The following DNAH6 variants were observed in gnomAD, a reference collection of about 807,000 sequenced individuals.
DNAH6 encodes the protein dynein axonemal heavy chain 6.
In DNAH6, 340 loss-of-function variants were observed where a neutral mutation model predicts 491.4. The ratio of observed to expected loss-of-function variants is 0.69; its 90% CI spans 0.63 to 0.76. The LOEUF (loss-of-function observed/expected upper bound fraction) is 0.76. Ranked by LOEUF, DNAH6 falls within the 30% of genes least tolerant of loss-of-function variation. DNAH6 has a pLI of 0.00. For synonymous variants in DNAH6, 1,603 were observed against 1,686.1 expected, an observed-to-expected ratio of 0.95 and a Z score of 1.21; for missense variants, 4,443 against 4,972.2, an observed-to-expected ratio of 0.89 and a Z score of 3.20.
At chr2:84,663,234 GA>G (rs762542816) in intron 37 of DNAH6, among the ~76,000 whole-genome samples, 2 of 152,210 alleles carry the variant, frequency 1.3e-5, no homozygotes, top group Non-Finnish European at 2.9e-5. Context: ...AATCTGGATG[GA>G]GAATGACTTT....
intron 11 of DNAH6, among the ~76,000 whole-genome samples, chr2:84,571,326 C>A (rs1459800658): frequency 6.6e-6 from 1 of 152,132 alleles, no homozygotes; most frequent in Non-Finnish European, 1.5e-5. Context: ...GCCTCAAATT[C>A]TCTGTCCATA....
rs575615294 is a variant in DNAH6 at position 84,517,492 on chromosome 2, C to A, written c.-8-327C>A. 3.9e-5 allele frequency among the ~76,000 whole-genome samples: 6 copies of A among 152,254 alleles called. No individual in the cohort carries two copies. The South Asian group carries it at 1.2e-3, about 32-fold the overall frequency. On this transcript the variant is annotated intron_variant, in intron 1 of 76. Coordinates refer to ENST00000389394, the MANE Select transcript of DNAH6 (RefSeq NM_001370.2). ...GAAACATTGATCTCAATACTAATTA[C>A]ATTTCCTTTTGTCCTTCCAAATCTA...
At chr2:84,584,304 A>G (rs755476402) in intron 15 of DNAH6, 54 bp downstream of exon 15, 2 of 1,543,304 alleles carry the variant, frequency 1.3e-6, no homozygotes, top group East Asian at 4.7e-5. Context: ...TTACTATTAC[A>G]TTTGTTTATT....
the DNAH6 span, among the ~76,000 whole-genome samples, chr2:84,502,973 A>C: frequency 6.6e-6 from 1 of 151,952 alleles, no homozygotes; most frequent in Non-Finnish European, 1.5e-5. Flanking sequence ...TTGATTGGAG[A>C]GTTAAGTTTA....
the DNAH6 span, among the ~76,000 whole-genome samples, chr2:84,463,421 G>A: frequency 0.88 from 133,717 of 152,204 alleles, 59,313 homozygotes; most frequent in Non-Finnish European, 0.93. Flanking sequence ...ATTTATTACC[G>A]TGGATGAAAA....
At chr2:84,614,148 C>T (rs1194881362) in intron 22 of DNAH6, among the ~76,000 whole-genome samples, 1 of 151,722 alleles carries the variant, frequency 6.6e-6, no homozygotes, top group Non-Finnish European at 1.5e-5. Context: ...TGTACTGTAC[C>T]CAATGCGTAG....
At chr2:84,496,822 A>G in the DNAH6 span, among the ~76,000 whole-genome samples, 2 of 152,126 alleles carry the variant, frequency 1.3e-5, no homozygotes, top group Admixed American at 1.3e-4. Context: ...AAACATTTCC[A>G]TCACTCCCCA....
chr2:84,559,475 C>T (rs1347436050), intron 11 of DNAH6, among the ~76,000 whole-genome samples: 6 of 152,068 alleles, frequency 3.9e-5, no homozygotes, highest in Admixed American at 6.6e-5. Context: ...TGAGCTCCAG[C>T]GGCAAAGGCT....
At position 84,594,087 on chromosome 2, in the gene DNAH6, T is replaced by C; in HGVS notation, c.2724+2T>C. The stretch of plus-strand genomic sequence containing the variant: ...AAACTCCAACAAGAATGGTTAAAGG[T>C]AGGGGAAAAAAGCCTTCAGTTCTCA... On this transcript the variant is annotated splice_donor_variant, in intron 17 of 76. Coordinates refer to ENST00000389394, the MANE Select transcript of DNAH6 (RefSeq NM_001370.2). LOFTEE classifies it high-confidence loss of function. 6.7e-7 allele frequency: 1 copy of C among 1,502,784 alleles called. No homozygotes were observed. Among genetic ancestry groups the C allele is most frequent in the Non-Finnish European group, 9.0e-7 (1 of 1,110,702 alleles). The allele number at this position is 1,502,784 out of a possible 1,614,324, so 93.1% of individuals were successfully genotyped here. A position where few individuals can be genotyped will look rare whatever the true frequency, so the allele number is the denominator to read the frequency against.
chr2:84,724,930 T>C (rs1010614439), intron 60 of DNAH6, among the ~76,000 whole-genome samples: 1 of 152,212 alleles, frequency 6.6e-6, no homozygotes, highest in Non-Finnish European at 1.5e-5. Flanking sequence ...GGATTTAGAC[T>C]CCACCTCTCA....
At chr2:84,646,370 G>T (rs1228347688) in intron 33 of DNAH6, among the ~76,000 whole-genome samples, 1 of 152,082 alleles carries the variant, frequency 6.6e-6, no homozygotes, top group Non-Finnish European at 1.5e-5. Flanking sequence ...TGACCCTACA[G>T]TGGTCTCTAG....
At position 84,557,916 on chromosome 2, in the gene DNAH6, C is replaced by T. The variant is rs1253123787; in HGVS notation, c.1784C>T (p.Thr595Ile). Residue 595 changes from threonine (T) to isoleucine (I), a missense_variant, in exon 11 of 77, where the codon ACA becomes ATA. Around this residue, in one of 3 missense-constraint regions of DNAH6, gnomAD observed 2,977 missense variants for 3,296.6 expected, o/e 0.90. Transcript: ENST00000389394. ...AVFEDDKNFH[T>I]IISQIKETIQ... ...TTTGAGGATGATAAGAATTTTCACA[C>T]AATTATTTCTCAAATAAAGGTATGT... The T allele has an allele frequency of 6.2e-7, 1 of 1,607,584 alleles. No homozygotes were observed. Among genetic ancestry groups the T allele is most frequent in the African/African-American group, 1.3e-5 (1 of 74,752 alleles).
Position 84,525,678 on chromosome 2 carries a change from A to C in DNAH6, c.339A>C (p.Lys113Asn), listed in dbSNP as rs1245639155. The C allele has an allele frequency of 6.5e-7, 1 of 1,550,336 alleles. No homozygotes were observed. Among genetic ancestry groups the C allele is most frequent in the South Asian group, 1.2e-5 (1 of 83,958 alleles). The part of the protein sequence containing the change: ...IIKRPVSIAK[K>N]SFATSSTQFL... ...AACGTCCAGTAAGCATAGCAAAAAA[A>C]AGTTTTGCCACATCATCTACTCAGT... Residue 113 changes from lysine (K) to asparagine (N), a missense_variant, in exon 3 of 77, where the codon AAA becomes AAC. Lys to Asn is a moderately conservative substitution (Grantham distance 94). Coordinates refer to ENST00000389394, the MANE Select transcript of DNAH6 (RefSeq NM_001370.2).
chr2:84,714,141 A>G (rs1390826084), intron 57 of DNAH6, among the ~76,000 whole-genome samples: 1 of 152,192 alleles, frequency 6.6e-6, no homozygotes, highest in African/African-American at 2.4e-5. Context: ...TACCTAGGAA[A>G]GGAACTTGAC....
intron 64 of DNAH6, among the ~76,000 whole-genome samples, chr2:84,765,847 CAGAA>C (rs1675025319): frequency 1.3e-5 from 2 of 151,880 alleles, no homozygotes; most frequent in Non-Finnish European, 2.9e-5. Flanking sequence ...AAAAACAATA[CAGAA>C]GGTAGAAAAT....
At position 84,577,423 on chromosome 2, in the gene DNAH6, G is replaced by GA. The variant is rs371510973; in HGVS notation, c.2076+24dup. Reference sequence around the variant, plus strand: ...GATGCTTAGAGGTAACTATAAACTAGAAAAAAAAATAATTATTCCTCTACA... The same window carrying GA: ...GATGCTTAGAGGTAACTATAAACTAGAAAAAAAAAATAATTATTCCTCTACA... On this transcript the variant is annotated intron_variant, in intron 13 of 76. Transcript: ENST00000389394. 3,689 of 1,496,342 alleles carry GA rather than the reference G, an allele frequency of 2.5e-3. 38 individuals are homozygous for GA. The African/African-American group carries it at 0.033, about 13-fold the overall frequency. The allele number at this position is 1,496,342 out of a possible 1,614,324, so 92.7% of individuals were successfully genotyped here. A position where few individuals can be genotyped will look rare whatever the true frequency, so the allele number is the denominator to read the frequency against.
chr2:84,684,278 T>A (rs554200321), intron 42 of DNAH6, among the ~76,000 whole-genome samples: 3 of 152,346 alleles, frequency 2.0e-5, no homozygotes, highest in African/African-American at 7.2e-5. Flanking sequence ...TCAGACATTG[T>A]CTAATCTAGT....
intron 38 of DNAH6, 94 bp downstream of exon 38, chr2:84,669,604 A>T: frequency 2.7e-6 from 3 of 1,124,010 alleles, no homozygotes; most frequent in South Asian, 1.4e-5. Flanking sequence ...TATTTCTGAG[A>T]GGAATTTTGT....
At chr2:84,560,213 C>G (rs992268751) in intron 11 of DNAH6, among the ~76,000 whole-genome samples, 5 of 152,074 alleles carry the variant, frequency 3.3e-5, no homozygotes, top group Non-Finnish European at 7.4e-5. Context: ...ACAATCAACT[C>G]TAAGATATAG....
Sources: gnomAD v4.1 joint callset for allele counts (sites outside exome capture counted in the v4.1 genomes callset) on GRCh38, gnomAD v4.1.1 for gene constraint, gnomAD v4.1.1 regional missense constraint, MANE v1.5 for transcripts, NCBI Gene and HGNC (gene_info 2026-07-23, HGNC 2026-07-21) for gene names.